FRYL: variants seen among roughly 807,000 people sequenced by gnomAD.
FRYL encodes protein furry homolog-like.
FRYL carries 150 observed loss-of-function variants against 351.2 expected under a neutral mutation model. The observed-to-expected ratio is 0.43, with a 90% CI of 0.37 to 0.49. The LOEUF is 0.49. Ranked by LOEUF, FRYL falls within the 20% of genes least tolerant of loss-of-function variation. The pLI is 0.00. For missense variants in FRYL, 3,036 were observed against 3,619.3 expected, an observed-to-expected ratio of 0.84 and a Z score of 4.13; for synonymous variants, 1,153 against 1,257.1, an observed-to-expected ratio of 0.92 and a Z score of 1.75.
intron 33 of FRYL, among the ~76,000 whole-genome samples, chr4:48,558,564 G>C (rs1734662886): frequency 6.6e-6 from 1 of 152,156 alleles, no homozygotes. Flanking sequence ...CTGCATACTT[G>C]AAAATGATTA....
intron 54 of FRYL, among the ~76,000 whole-genome samples, chr4:48,522,564 G>C (rs1246088300): frequency 6.6e-6 from 1 of 152,232 alleles, no homozygotes; most frequent in African/African-American, 2.4e-5. Flanking sequence ...ATGCTAACTA[G>C]GAAAGAAAAG....
Position 48,565,614 on chromosome 4 carries a change from G to T in FRYL, c.3247C>A (p.Pro1083Thr). The T allele has an allele frequency of 6.2e-7, 1 of 1,613,862 alleles. No homozygotes were observed. The highest frequency in any genetic ancestry group is 1.7e-5 in the Admixed American group (1 of 59,936). ...AAGGGCGTAAACATGATGCTAAAAG[G>T]ACCTGCCCAGTGACTGAACAGCATA... Reference protein sequence around the residue: ...LFMLFSHWAGPFSIMFTPLDR... With the variant: ...LFMLFSHWAGTFSIMFTPLDR... The change falls in exon 29 of 64, where the codon CCT (proline) becomes ACT (threonine). Residue 1083 changes from proline (P) to threonine (T), a missense_variant. Around this residue, in one of 7 missense-constraint regions of FRYL, gnomAD observed 1,987 missense variants for 2,311.7 expected, o/e 0.86. Transcript: ENST00000358350.
intron 16 of FRYL, among the ~76,000 whole-genome samples, chr4:48,592,587 G>C (rs1308380967): frequency 3.3e-5 from 5 of 152,082 alleles, no homozygotes; most frequent in Admixed American, 3.3e-4. Context: ...TAAAATGGAT[G>C]TTCAAGAAAA....
At chr4:48,645,410 G>T (rs1311854654) in intron 3 of FRYL, among the ~76,000 whole-genome samples, 1 of 151,998 alleles carries the variant, frequency 6.6e-6, no homozygotes, top group Non-Finnish European at 1.5e-5. Flanking sequence ...AAATGGCAAA[G>T]GATGGGCTGC....
At position 48,531,186 on chromosome 4, in the gene FRYL, C is replaced by T. The variant is rs745329896; in HGVS notation, c.6873G>A (p.Lys2291=). 1 of 1,609,216 alleles carries T rather than the reference C, an allele frequency of 6.2e-7. No individual in the cohort carries two copies. The highest frequency in any genetic ancestry group is 1.1e-5 in the South Asian group (1 of 90,832). ...FNNVSKELPG[K]TLDFHFDISE... is the part of the protein sequence containing the mutation. ...ATATATCAAAATGAAAATCTAAGGT[C>T]TTCCCAGGCAACTCCTTAGAAACAT... Residue 2291 remains lysine, a synonymous_variant, in exon 50 of 64, where the codon AAG becomes AAA. Transcript: ENST00000358350.
chr4:48,722,235 T>C (rs1769560261), intron 1 of FRYL, among the ~76,000 whole-genome samples: 1 of 152,204 alleles, frequency 6.6e-6, no homozygotes, highest in African/African-American at 2.4e-5. Context: ...AAGCAGATAC[T>C]AAGTTGTGAT....
intron 1 of FRYL, among the ~76,000 whole-genome samples, chr4:48,718,198 A>C (rs1054443768): frequency 1.3e-5 from 2 of 151,602 alleles, no homozygotes; most frequent in Non-Finnish European, 2.9e-5. Context: ...TGTATTTACT[A>C]TAATTACATA....
At chr4:48,559,365 T>A (rs1287162208) in intron 33 of FRYL, among the ~76,000 whole-genome samples, 1 of 148,658 alleles carries the variant, frequency 6.7e-6, no homozygotes, top group Non-Finnish European at 1.5e-5. Flanking sequence ...TGATAGGAGG[T>A]GGGGGCCCGA....
chr4:48,591,693 G>T (rs1743268273), intron 16 of FRYL, among the ~76,000 whole-genome samples: 1 of 152,066 alleles, frequency 6.6e-6, no homozygotes, highest in Non-Finnish European at 1.5e-5. Context: ...CTCCTGGGCT[G>T]CCTTCTCCTA....
intron 50 of FRYL, among the ~76,000 whole-genome samples, chr4:48,529,799 C>T (rs1200998408): frequency 3.3e-5 from 5 of 152,098 alleles, no homozygotes; most frequent in Non-Finnish European, 5.9e-5. Context: ...AGAGTGGGCT[C>T]AGGTGCCAGA....
intron 1 of FRYL, among the ~76,000 whole-genome samples, chr4:48,711,138 A>G (rs6447652): frequency 0.98 from 149,835 of 152,314 alleles, 73,734 homozygotes; most frequent in South Asian, 1. Flanking sequence ...CGGGAGCGAC[A>G]CAGAAGACGG....
rs761667399 is a variant in FRYL, at chr4:48,623,200, C to A, written c.121-21G>T. ...TTCTCCTATGATTAAAAAAAACAAA[C>A]ATTAAAAATAAAAATAAAGCACAAA... On this transcript the variant is annotated intron_variant, in intron 4 of 63. Transcript: ENST00000358350. 186 of 1,125,632 alleles carry A rather than the reference C, an allele frequency of 1.7e-4. No individual in the cohort carries two copies. In the African/African-American group the frequency reaches 1.8e-3, roughly 11 times the overall value. 69.7% of individuals were successfully genotyped at this position (1,125,632 alleles called of 1,614,324 possible). A position where few individuals can be genotyped will look rare whatever the true frequency, so the allele number is the denominator to read the frequency against.
chr4:48,759,982 T>C (rs1420793495), intron 1 of FRYL, among the ~76,000 whole-genome samples: 1 of 152,250 alleles, frequency 6.6e-6, no homozygotes, highest in African/African-American at 2.4e-5. Flanking sequence ...CACTATGTTA[T>C]GTGCATCCTT....
chr4:48,545,011 G>C lies in FRYL; in HGVS notation c.5280-107C>G. 6 of 1,138,206 alleles carry C rather than the reference G, an allele frequency of 5.3e-6. No individual in the cohort carries two copies. In the South Asian group the frequency reaches 1.2e-4, roughly 22 times the overall value. 70.5% of individuals were successfully genotyped at this position (1,138,206 alleles called of 1,614,324 possible). ...TTTACAATTAGAAAGGATGGTAGTT[G>C]AATAAATAGGTCACAGTCTACTACT... On this transcript the variant is annotated intron_variant, in intron 42 of 63. Coordinates refer to ENST00000358350, the MANE Select transcript of FRYL (RefSeq NM_015030.2).
chr4:48,701,980 A>G (rs893830933), intron 2 of FRYL, among the ~76,000 whole-genome samples: 20 of 152,064 alleles, frequency 1.3e-4, no homozygotes, highest in Admixed American at 1.3e-3. Flanking sequence ...TGCTTCAAAC[A>G]GCAAGTAACA....
intron 3 of FRYL, among the ~76,000 whole-genome samples, chr4:48,658,747 C>CATAAATAA (rs10555415): frequency 3.4e-5 from 5 of 146,506 alleles, no homozygotes; most frequent in African/African-American, 1.0e-4. Flanking sequence ...GTGAGACCTT[C>CATAAATAA]ATAAATAAAT....
At chr4:48,566,586 C>A (rs1241133852) in intron 28 of FRYL, among the ~76,000 whole-genome samples, 1 of 152,144 alleles carries the variant, frequency 6.6e-6, no homozygotes, top group Admixed American at 6.6e-5. Context: ...TGCTTAATGA[C>A]CCTGTTATAA....
chr4:48,500,897 A>G (rs1254724347), intron 62 of FRYL, among the ~76,000 whole-genome samples: 1 of 152,118 alleles, frequency 6.6e-6, no homozygotes, highest in Non-Finnish European at 1.5e-5. Flanking sequence ...CAGCCTGGCC[A>G]ACATGGTGAA....
chr4:48,651,512 T>G (rs1031097159), intron 3 of FRYL, among the ~76,000 whole-genome samples: 1 of 152,086 alleles, frequency 6.6e-6, no homozygotes, highest in African/African-American at 2.4e-5. Context: ...CTCAGTCTGT[T>G]TTATGTATAA....
Sources: gnomAD v4.1 joint callset for allele counts (sites outside exome capture counted in the v4.1 genomes callset) on GRCh38, gnomAD v4.1.1 for gene constraint, gnomAD v4.1.1 regional missense constraint, MANE v1.5 for transcripts, NCBI Gene and HGNC (gene_info 2026-07-23, HGNC 2026-07-21) for gene names.